The following DLGAP2 variants were observed in gnomAD, a reference collection of about 807,000 sequenced individuals.
DLGAP2 encodes the protein DLG associated protein 2.
In DLGAP2, 26 loss-of-function variants were observed where a neutral mutation model predicts 100.3. That is an observed-to-expected ratio of 0.26 (90% CI 0.19 to 0.36). The LOEUF (loss-of-function observed/expected upper bound fraction) is 0.36. Among genes scored for constraint, DLGAP2 ranks in the 10% least tolerant of loss-of-function variants. DLGAP2 has a pLI of 1.00. For missense variants in DLGAP2, 1,858 were observed against 1,453.2 expected, an observed-to-expected ratio of 1.28 and a Z score of -4.53; for synonymous variants, 886 against 630.1, an observed-to-expected ratio of 1.41 and a Z score of -6.08.
At chr8:826,428 T>G (rs1366537768) in intron 1 of DLGAP2, among the ~76,000 whole-genome samples, 1 of 152,226 alleles carries the variant, frequency 6.6e-6, no homozygotes, top group Non-Finnish European at 1.5e-5. Flanking sequence ...TCACTTTGGT[T>G]TTAATTTGCT....
At chr8:1,271,387 T>C (rs973450514) in intron 3 of DLGAP2, among the ~76,000 whole-genome samples, 1 of 152,190 alleles carries the variant, frequency 6.6e-6, no homozygotes, top group African/African-American at 2.4e-5. Context: ...GGGGACATAG[T>C]GACTTCTGTT....
chr8:1,679,723 TGTAATTC>T (rs1798898527), intron 12 of DLGAP2, among the ~76,000 whole-genome samples: 1 of 152,190 alleles, frequency 6.6e-6, no homozygotes, highest in Admixed American at 6.5e-5. Context: ...GGCTCACGCC[TGTAATTC>T]CAGCACTTTA....
At chr8:1,472,402 G>C (rs1190807790) in intron 3 of DLGAP2, among the ~76,000 whole-genome samples, 1 of 152,162 alleles carries the variant, frequency 6.6e-6, no homozygotes, top group Non-Finnish European at 1.5e-5. Context: ...TGTTATGTTG[G>C]TGATTTTCAT....
intron 2 of DLGAP2, among the ~76,000 whole-genome samples, chr8:1,204,073 G>C (rs929104328): frequency 6.6e-6 from 1 of 152,250 alleles, no homozygotes; most frequent in African/African-American, 2.4e-5. Flanking sequence ...TGCAGATTCT[G>C]ACTCATGGGT....
chr8:1,134,768 G>A (rs1796369038), intron 2 of DLGAP2, among the ~76,000 whole-genome samples: 3 of 152,086 alleles, frequency 2.0e-5, no homozygotes. Context: ...ATATTACGTG[G>A]CGGCAGGCGA....
intron 3 of DLGAP2, among the ~76,000 whole-genome samples, chr8:1,453,986 G>A (rs941268979): frequency 2.0e-5 from 3 of 152,230 alleles, no homozygotes; most frequent in African/African-American, 4.8e-5. Flanking sequence ...AGGCGATGTC[G>A]GCTGGCGTGG....
chr8:1,185,290 G>C (rs1287173342), intron 2 of DLGAP2, among the ~76,000 whole-genome samples: 1 of 152,128 alleles, frequency 6.6e-6, no homozygotes, highest in Non-Finnish European at 1.5e-5. Context: ...TCAGGGCTGT[G>C]GTGCAATGGA....
Position 1,701,553 on chromosome 8 carries a change from G to A in DLGAP2, c.*147G>A. The A allele has an allele frequency of 2.3e-6, 2 of 861,224 alleles. No individual in the cohort carries two copies. Among genetic ancestry groups the A allele is most frequent in the Non-Finnish European group, 1.7e-6 (1 of 578,260 alleles). The allele number at this position is 861,224 out of a possible 1,614,324, so 53.3% of individuals were successfully genotyped here. A position where few individuals can be genotyped will look rare whatever the true frequency, so the allele number is the denominator to read the frequency against. On this transcript the variant is annotated 3_prime_UTR_variant, in exon 15 of 15. Coordinates refer to ENST00000637795, the MANE Select transcript of DLGAP2 (RefSeq NM_001346810.2). Reference sequence around the variant, plus strand: ...CCGCGCCCCGGACACAGCGGGACGCGGCCGGCGGCCTCAGAGTCCACGGAG... The same window carrying A: ...CCGCGCCCCGGACACAGCGGGACGCAGCCGGCGGCCTCAGAGTCCACGGAG...
At chr8:752,746 T>C (rs1335646567) in intron 1 of DLGAP2, among the ~76,000 whole-genome samples, 2 of 152,086 alleles carry the variant, frequency 1.3e-5, no homozygotes, top group Non-Finnish European at 2.9e-5. Context: ...CCTTGAGGGA[T>C]GCTTGTGACG....
At chr8:1,641,580 G>C (rs867165273) in intron 8 of DLGAP2, among the ~76,000 whole-genome samples, 36 of 152,256 alleles carry the variant, frequency 2.4e-4, no homozygotes, top group African/African-American at 8.2e-4. Context: ...ACAACGATCT[G>C]CGTCTGTCCT....
chr8:1,119,546 C>A (rs1363884534), intron 2 of DLGAP2, among the ~76,000 whole-genome samples: 1 of 152,212 alleles, frequency 6.6e-6, no homozygotes, highest in Non-Finnish European at 1.5e-5. Context: ...GTAGCAGGGG[C>A]AGTAGCTGAG....
rs887956959 is a variant in DLGAP2 at position 1,068,616 on chromosome 8, G to A, written c.73+160650G>A. 2.0e-5 allele frequency among the ~76,000 whole-genome samples: 3 copies of A among 150,246 alleles called. No individual in the cohort carries two copies. In the East Asian group the frequency reaches 5.8e-4, roughly 29 times the overall value. ...GCTATGTGAGGAGGAGGGAAAGGAT[G>A]GACGCACAGGAGCGGGGAGATGAGG... is the stretch of plus-strand genomic sequence containing the variant. On this transcript the variant is annotated intron_variant, in intron 2 of 14. Transcript: ENST00000637795.
chr8:1,337,488 G>A (rs1225418432), intron 3 of DLGAP2, among the ~76,000 whole-genome samples: 2 of 150,014 alleles, frequency 1.3e-5, no homozygotes, highest in African/African-American at 4.9e-5. Context: ...GGATGGGGAT[G>A]ATAGTGGTGA....
intron 2 of DLGAP2, among the ~76,000 whole-genome samples, chr8:1,059,065 G>A (rs1802971505): frequency 6.6e-6 from 1 of 152,018 alleles, no homozygotes; most frequent in Admixed American, 6.5e-5. Context: ...CCCCCCATGT[G>A]TCCATGTGTC....
At chr8:1,410,440 C>G (rs970458254) in intron 3 of DLGAP2, among the ~76,000 whole-genome samples, 1 of 152,210 alleles carries the variant, frequency 6.6e-6, no homozygotes, top group Non-Finnish European at 1.5e-5. Context: ...CCCCTCAGTT[C>G]ACATAATTCT....
At chr8:1,478,750 G>A (rs1479352479) in intron 3 of DLGAP2, among the ~76,000 whole-genome samples, 2 of 152,160 alleles carry the variant, frequency 1.3e-5, no homozygotes, top group African/African-American at 4.8e-5. Flanking sequence ...CCCACCAGTC[G>A]GCTCCTCAGT....
At chr8:906,603 A>G (rs1015996108) in intron 1 of DLGAP2, among the ~76,000 whole-genome samples, 13 of 152,162 alleles carry the variant, frequency 8.5e-5, no homozygotes. Context: ...AGTGTCAGAT[A>G]CGACCCTAGA....
At chr8:824,096 T>C (rs1196715366) in intron 1 of DLGAP2, among the ~76,000 whole-genome samples, 2 of 152,052 alleles carry the variant, frequency 1.3e-5, no homozygotes, top group African/African-American at 2.4e-5. Context: ...TTCTTTCTTC[T>C]TCTTTTCTCC....
At chr8:910,631 T>C (rs1295226782) in intron 2 of DLGAP2, 1 of 152,200 alleles carries the variant, frequency 6.6e-6, no homozygotes, top group Non-Finnish European at 1.5e-5. Context: ...TGGTGACCCC[T>C]GATTGGCCTT....
Sources: allele counts gnomAD v4.1 joint callset (sites outside exome capture counted in the v4.1 genomes callset), GRCh38; gene constraint gnomAD v4.1.1; transcripts MANE v1.5; gene names NCBI Gene and HGNC (gene_info 2026-07-23, HGNC 2026-07-21).